Variants in ALG14 observed in about 807,000 individuals in gnomAD.
The protein encoded by ALG14 is UDP-N-acetylglucosamine transferase subunit ALG14.
ALG14 carries 17 observed loss-of-function variants against 22.8 expected under a neutral mutation model. The observed-to-expected ratio is 0.75, with a 90% confidence interval of 0.51 to 1.12. The LOEUF is 1.12. ALG14 is among the 50% of genes most tolerant of loss of function. ALG14 has a pLI of 0.00. For missense variants in ALG14, 288 were observed against 271.8 expected, an observed-to-expected ratio of 1.06 and a Z score of -0.42; for synonymous variants, 89 against 103.7, an observed-to-expected ratio of 0.86 and a Z score of 0.86.
intron 3 of ALG14, among the ~76,000 whole-genome samples, chr1:94,999,043 C>A (rs1334410454): frequency 6.6e-6 from 1 of 152,118 alleles, no homozygotes; most frequent in Non-Finnish European, 1.5e-5. Flanking sequence ...AGAACAAACA[C>A]AGGTTTTATA....
chr1:95,037,017 A>G (rs1674222646), intron 2 of ALG14, among the ~76,000 whole-genome samples: 1 of 152,208 alleles, frequency 6.6e-6, no homozygotes, highest in Non-Finnish European at 1.5e-5. Flanking sequence ...CTTTACCTCC[A>G]GAAGCTTCTC....
At chr1:95,049,306 G>A (rs1221851832) in intron 2 of ALG14, among the ~76,000 whole-genome samples, 1 of 152,126 alleles carries the variant, frequency 6.6e-6, no homozygotes, top group Non-Finnish European at 1.5e-5. Flanking sequence ...GTGAAAATGG[G>A]CAGATTGCTT....
At position 95,056,218 on chromosome 1, in the gene ALG14, G is replaced by T. The variant is rs1479748740; in HGVS notation, c.288+8648C>A. Among the ~76,000 whole-genome samples, 3 of 152,228 alleles carry T rather than the reference G, an allele frequency of 2.0e-5. No homozygotes were observed. The East Asian group carries it at 5.8e-4, about 29-fold the overall frequency. On this transcript the variant is annotated intron_variant, in intron 2 of 3. Coordinates refer to ENST00000370205, the MANE Select transcript of ALG14 (RefSeq NM_144988.4). ...ATACACAAAAACTTCACGTATCAGT[G>T]GTGGCACTGCAGAAATGGACTGCTG...
At chr1:95,061,380 T>A (rs892340153) in intron 2 of ALG14, among the ~76,000 whole-genome samples, 1 of 152,198 alleles carries the variant, frequency 6.6e-6, no homozygotes, top group Non-Finnish European at 1.5e-5. Flanking sequence ...CAGATTTATA[T>A]ACCAATCTTG....
At position 95,039,014 on chromosome 1, in the gene ALG14, G is replaced by A. The variant is rs573942527; in HGVS notation, c.289-11754C>T. Among the ~76,000 whole-genome samples the A allele has an allele frequency of 2.6e-4, 39 of 152,266 alleles. No homozygotes were observed. In the South Asian group the frequency reaches 4.6e-3, roughly 18 times the overall value. ...TGGGATTACAGGCGTGAGCCACCAC[G>A]CCCAGCCAATACATTATTCTTTGAT... On this transcript the variant is annotated intron_variant, in intron 2 of 3. Coordinates refer to ENST00000370205, the MANE Select transcript of ALG14 (RefSeq NM_144988.4).
chr1:95,052,836 A>T (rs1674793737), intron 2 of ALG14, among the ~76,000 whole-genome samples: 1 of 148,054 alleles, frequency 6.8e-6, no homozygotes, highest in Non-Finnish European at 1.5e-5. Context: ...CTGCTTGGGC[A>T]CCAGAGCAAG....
At chr1:95,036,623 C>T (rs1317407932) in intron 2 of ALG14, among the ~76,000 whole-genome samples, 1 of 151,926 alleles carries the variant, frequency 6.6e-6, no homozygotes, top group Non-Finnish European at 1.5e-5. Context: ...GACGGGGTTT[C>T]ACCATGTTGG....
chr1:95,027,078 A>C (rs780185521), intron 3 of ALG14, 51 bp downstream of exon 3: 1 of 1,602,036 alleles, frequency 6.2e-7, no homozygotes, highest in East Asian at 2.2e-5. Context: ...GTTACTAACG[A>C]AAGATCTACA....
intron 2 of ALG14, among the ~76,000 whole-genome samples, chr1:95,054,910 AAAC>A (rs1015477045): frequency 1.3e-5 from 2 of 152,234 alleles, no homozygotes. Context: ...TAAAAATCCA[AAAC>A]AATATGTTTG....
intron 3 of ALG14, chr1:95,022,218 T>A: frequency 1.4e-6 from 1 of 717,212 alleles, no homozygotes; most frequent in Non-Finnish European, 1.7e-6. Context: ...ATATGCAGCC[T>A]AATTTTGACA....
intron 2 of ALG14, among the ~76,000 whole-genome samples, chr1:95,052,583 C>A (rs867292961): frequency 6.6e-6 from 1 of 152,066 alleles, no homozygotes; most frequent in African/African-American, 2.4e-5. Context: ...AGGGGCCAGG[C>A]GCAGTGGCTC....
rs188073311 is a variant in ALG14 at position 95,017,568 on chromosome 1, A to T, written c.420+9561T>A. Among the ~76,000 whole-genome samples, 21 of 152,272 alleles carry T rather than the reference A, an allele frequency of 1.4e-4. No homozygotes were observed. In the East Asian group the frequency reaches 3.9e-3, roughly 28 times the overall value. On this transcript the variant is annotated intron_variant, in intron 3 of 3. Coordinates refer to ENST00000370205, the MANE Select transcript of ALG14 (RefSeq NM_144988.4). ...AAACAGGGGCTTCAACATGATCCCA[A>T]TGGAGGGGAGAGGTGTAGATGAGAG...
At chr1:95,054,833 C>A (rs1674876333) in intron 2 of ALG14, among the ~76,000 whole-genome samples, 1 of 152,160 alleles carries the variant, frequency 6.6e-6, no homozygotes. Context: ...AGTACTGTAA[C>A]CTTGATACCA....
intron 2 of ALG14, among the ~76,000 whole-genome samples, chr1:95,042,043 A>T (rs1280855314): frequency 2.6e-5 from 4 of 152,140 alleles, no homozygotes; most frequent in African/African-American, 9.6e-5. Context: ...AGATATTTAT[A>T]AAAAAATAAA....
chr1:95,023,015 C>T (rs1673707046), intron 3 of ALG14, among the ~76,000 whole-genome samples: 1 of 152,068 alleles, frequency 6.6e-6, no homozygotes, highest in Admixed American at 6.6e-5. Context: ...ATTTTATATA[C>T]TATACAAACA....
chr1:95,001,134 G>A (rs1673054703), intron 3 of ALG14, among the ~76,000 whole-genome samples: 1 of 152,186 alleles, frequency 6.6e-6, no homozygotes. Flanking sequence ...TGGAGGGAAG[G>A]GAATTTCCAA....
chr1:95,057,721 G>A (rs1179802558), intron 2 of ALG14, among the ~76,000 whole-genome samples: 2 of 151,350 alleles, frequency 1.3e-5, no homozygotes, highest in Non-Finnish European at 2.9e-5. Flanking sequence ...GTAGAAAAAA[G>A]AGAAGAAAAT....
At chr1:95,045,361 G>A (rs1674514130) in intron 2 of ALG14, among the ~76,000 whole-genome samples, 1 of 152,088 alleles carries the variant, frequency 6.6e-6, no homozygotes, top group African/African-American at 2.4e-5. Context: ...TAGAGAGAAA[G>A]AATGTAATGG....
chr1:95,060,417 T>C (rs1675104361), intron 2 of ALG14, among the ~76,000 whole-genome samples: 1 of 152,036 alleles, frequency 6.6e-6, no homozygotes, highest in Admixed American at 6.6e-5. Context: ...ATAATGGCAC[T>C]ATAAAAATCC....
Sources: gnomAD v4.1 joint callset for allele counts (sites outside exome capture counted in the v4.1 genomes callset) on GRCh38, gnomAD v4.1.1 for gene constraint, MANE v1.5 for transcripts, NCBI Gene and HGNC (gene_info 2026-07-23, HGNC 2026-07-21) for gene names.